ZNF208: variants seen among roughly 807,000 people sequenced by gnomAD.
The protein encoded by ZNF208 is zinc finger protein 208.
In ZNF208, 10 loss-of-function variants were observed where a neutral mutation model predicts 12.1. The ratio of observed to expected loss-of-function variants is 0.83; its 90% CI spans 0.51 to 1.40. The LOEUF (loss-of-function observed/expected upper bound fraction) is 1.40. Ranked by LOEUF, ZNF208 falls within the 40% of genes most tolerant of loss-of-function variation. The probability of loss-of-function intolerance (pLI) is 0.00; values close to 1 mark genes in which losing one functional copy is unlikely to be tolerated. For missense variants in ZNF208, 1,652 were observed against 1,485.0 expected (o/e 1.11, Z -1.85); for synonymous variants, 497 against 488.4 (o/e 1.02, Z -0.23).
At chr19:21,965,393 G>C (rs561313377), downstream of ZNF208, among the ~76,000 whole-genome samples, 46 of 152,088 alleles carry the variant, frequency 3.0e-4, no homozygotes, top group East Asian at 4.3e-3. Context: ...AAACACAGCA[G>C]CACAAGGAAG....
At chr19:21,941,546 T>C in intron 4 of ZNF208, 1 of 396,158 alleles carries the variant, frequency 2.5e-6, no homozygotes, top group East Asian at 3.6e-5. Flanking sequence ...TTATTTGTTT[T>C]TTTTTAAACT....
Position 21,973,785 on chromosome 19 carries a change from C to A in ZNF208, c.1249G>T (p.Val417Phe). 1.9e-6 allele frequency: 3 copies of A among 1,604,750 alleles called. No individual in the cohort carries two copies. The highest frequency in any genetic ancestry group is 1.7e-6 in the Non-Finnish European group (2 of 1,173,306). The change falls in exon 4 of 4, where the codon GTC becomes TTC. Residue 417 changes from valine to phenylalanine, a missense_variant. Around this residue, in one of 3 missense-constraint regions of ZNF208, gnomAD observed 1,239 missense variants for 1,086.2 expected, o/e 1.14. Transcript: ENST00000397126. ...SMFSILTKHE[V>F]IHTGEKPYKC... ...TAGGGTTTCTCTCCAGTATGAATGACCTCATGTTTAGTAAGGATTGAGAAC... is the reference window on the plus strand; with the variant it reads ...TAGGGTTTCTCTCCAGTATGAATGAACTCATGTTTAGTAAGGATTGAGAAC...
intron 3 of ZNF208, among the ~76,000 whole-genome samples, chr19:21,975,556 A>G (rs1970413527): frequency 1.3e-5 from 2 of 152,294 alleles, no homozygotes; most frequent in East Asian, 3.9e-4. Flanking sequence ...TGTGACAGGT[A>G]GCCTTTTTAA....
chr19:21,984,580 A>AC (rs566479617), intron 3 of ZNF208, among the ~76,000 whole-genome samples: 7 of 151,608 alleles, frequency 4.6e-5, no homozygotes, highest in African/African-American at 7.3e-5. Context: ...AAACAAACAA[A>AC]AAAAATATAT....
At chr19:21,999,594 T>TG (rs570012076) in intron 1 of ZNF208, among the ~76,000 whole-genome samples, 2 of 152,298 alleles carry the variant, frequency 1.3e-5, no homozygotes, top group South Asian at 4.1e-4. Context: ...ATCCAATCTT[T>TG]GTGCTCAACT....
At chr19:21,942,574 C>G (rs2145508888) in intron 4 of ZNF208, among the ~76,000 whole-genome samples, 1 of 152,260 alleles carries the variant, frequency 6.6e-6, no homozygotes, top group Non-Finnish European at 1.5e-5. Flanking sequence ...CTAGTTTAAC[C>G]TGCTCAACCT....
chr19:21,977,014 A>C (rs1321363822), intron 3 of ZNF208, among the ~76,000 whole-genome samples: 1 of 152,264 alleles, frequency 6.6e-6, no homozygotes, highest in African/African-American at 2.4e-5. Flanking sequence ...ATAATATTAC[A>C]CAAGCTAAAT....
chr19:21,961,380 T>A (rs1452446810), downstream of ZNF208, among the ~76,000 whole-genome samples: 1 of 152,224 alleles, frequency 6.6e-6, no homozygotes, highest in South Asian at 2.1e-4. Context: ...GATCACATGC[T>A]TCTGAGGAAA....
rs2145542720 is a variant in ZNF208 at position 21,970,630 on chromosome 19, CTCT to C, written c.*558_*560del. 1.0e-6 allele frequency: 1 copy of C among 955,372 alleles called. No individual in the cohort carries two copies. The highest frequency in any genetic ancestry group is 1.6e-5 in the African/African-American group (1 of 61,910). The allele number at this position is 955,372 out of a possible 1,614,324, so 59.2% of individuals were successfully genotyped here. A position where few individuals can be genotyped will look rare whatever the true frequency, so the allele number is the denominator to read the frequency against. Reference sequence around the variant, plus strand: ...GTAGGGCTTCTCACCAGTATGAATTCTCTTATGTTCCATAAGGTTTGAGGACTG... The same window carrying C: ...GTAGGGCTTCTCACCAGTATGAATTCTATGTTCCATAAGGTTTGAGGACTG... On this transcript the variant is annotated 3_prime_UTR_variant, in exon 4 of 4. Coordinates refer to ENST00000397126, the MANE Select transcript of ZNF208 (RefSeq NM_007153.3).
chr19:21,980,139 T>C (rs143244806), intron 3 of ZNF208, among the ~76,000 whole-genome samples: 20 of 151,894 alleles, frequency 1.3e-4, no homozygotes, highest in Middle Eastern at 6.8e-3. Context: ...GAGACTTTAA[T>C]ATCCCAGTGT....
intron 3 of ZNF208, among the ~76,000 whole-genome samples, chr19:21,985,681 C>G (rs1288131845): frequency 6.6e-6 from 1 of 152,196 alleles, no homozygotes; most frequent in Non-Finnish European, 1.5e-5. Flanking sequence ...AGAGAGATAC[C>G]CATTTAGAGC....
At position 21,971,906 on chromosome 19, in the gene ZNF208, C is replaced by CTTGAG. The variant is rs1970294918; in HGVS notation, c.3123_3127dup (p.Ser1043ThrfsTer93). On this transcript the variant is annotated frameshift_variant, in exon 4 of 4. Coordinates refer to ENST00000397126, the MANE Select transcript of ZNF208 (RefSeq NM_007153.3). LOFTEE classifies it low-confidence loss of function (END_TRUNC). ...ATGAGTTGCCTTATGTTCAGTAAGG[C>CTTGAG]TTGAGGGCCAGCTGAAGGCTTTGTC... 2 of 1,521,576 alleles carry CTTGAG rather than the reference C, an allele frequency of 1.3e-6. No individual in the cohort carries two copies. Among genetic ancestry groups the CTTGAG allele is most frequent in the East Asian group, 5.3e-5 (2 of 37,770 alleles). 94.3% of individuals were successfully genotyped at this position (1,521,576 alleles called of 1,614,324 possible).
intron 4 of ZNF208, among the ~76,000 whole-genome samples, chr19:21,955,771 G>A (rs1275763708): frequency 1.3e-5 from 2 of 152,114 alleles, no homozygotes; most frequent in African/African-American, 4.8e-5. Flanking sequence ...AGATGGGTTC[G>A]AACATCCTCC....
chr19:21,988,045 G>T (rs1010395907), intron 2 of ZNF208, among the ~76,000 whole-genome samples: 31 of 151,980 alleles, frequency 2.0e-4, no homozygotes, highest in African/African-American at 7.0e-4. Flanking sequence ...TAAATATTTA[G>T]AAAATTCTCT....
chr19:21,986,481 T>C (rs374528314), intron 3 of ZNF208, among the ~76,000 whole-genome samples: 1 of 152,180 alleles, frequency 6.6e-6, no homozygotes, highest in Non-Finnish European at 1.5e-5. Context: ...AAGTGCAAGA[T>C]TTATCAATGA....
rs1970201040 is a variant in ZNF208, at chr19:21,967,881, A to G, written c.*3310T>C. ...TATATTATTTGAATCCATGAGCAAT[A>G]TTTTTCCATTTATTTGCATTGTCTC... On this transcript the variant is annotated 3_prime_UTR_variant, in exon 4 of 4. Coordinates refer to ENST00000397126, the MANE Select transcript of ZNF208 (RefSeq NM_007153.3). The G allele has an allele frequency of 6.6e-6, 1 of 151,812 alleles. No homozygotes were observed. The highest frequency in any genetic ancestry group is 2.1e-4 in the South Asian group (1 of 4,824). The allele number at this position is 151,812 out of a possible 1,614,324, so 9.4% of individuals were successfully genotyped here.
intron 3 of ZNF208, among the ~76,000 whole-genome samples, chr19:21,977,327 C>G (rs576771363): frequency 6.6e-6 from 1 of 152,198 alleles, no homozygotes; most frequent in Non-Finnish European, 1.5e-5. Flanking sequence ...CAGCTCCCAG[C>G]GCGATCGACA....
rs925749036 is a variant in ZNF208, at chr19:21,969,011, C to T, written c.*2180G>A. Among the ~76,000 whole-genome samples, 9 of 152,208 alleles carry T rather than the reference C, an allele frequency of 5.9e-5. No individual in the cohort carries two copies. Among genetic ancestry groups the T allele is most frequent in the African/African-American group, 1.9e-4 (8 of 41,550 alleles). The stretch of plus-strand genomic sequence containing the variant: ...CGTCCTGGCTAATATGGTGAAACCC[C>T]ATCTGTACTAAAAATACAAAAAATT... On this transcript the variant is annotated 3_prime_UTR_variant, in exon 4 of 4. Transcript: ENST00000397126.
At chr19:21,985,179 A>T (rs921054386) in intron 3 of ZNF208, among the ~76,000 whole-genome samples, 2 of 152,228 alleles carry the variant, frequency 1.3e-5, no homozygotes, top group African/African-American at 4.8e-5. Context: ...AGATAGAGAG[A>T]TATAAAGCAT....
Sources: gnomAD v4.1 joint callset for allele counts (sites outside exome capture counted in the v4.1 genomes callset) on GRCh38, gnomAD v4.1.1 for gene constraint, gnomAD v4.1.1 regional missense constraint, MANE v1.5 for transcripts, NCBI Gene and HGNC (gene_info 2026-07-23, HGNC 2026-07-21) for gene names.